The following PTPRK variants were observed in gnomAD, a reference collection of about 807,000 sequenced individuals.
PTPRK encodes the protein protein tyrosine phosphatase receptor type K.
A neutral mutation model predicts 178.0 loss-of-function variants in PTPRK; 75 were observed. The ratio of observed to expected loss-of-function variants is 0.42; its 90% CI spans 0.35 to 0.51. The LOEUF (loss-of-function observed/expected upper bound fraction) is 0.51, where lower values mean the gene tolerates loss of function less well. Ranked by LOEUF, PTPRK falls within the 20% of genes least tolerant of loss-of-function variation. The pLI is 0.02. For missense variants in PTPRK, 1,441 were observed against 1,797.8 expected (o/e 0.80, Z 3.59); for synonymous variants, 637 against 620.6 (o/e 1.03, Z -0.39).
At chr6:128,127,264 T>C (rs1450637636) in intron 7 of PTPRK, among the ~76,000 whole-genome samples, 1 of 152,224 alleles carries the variant, frequency 6.6e-6, no homozygotes, top group Non-Finnish European at 1.5e-5. Context: ...CGACTATGTT[T>C]GCTATTATAG....
chr6:128,343,955 CT>C (rs1832041431), intron 2 of PTPRK, among the ~76,000 whole-genome samples: 1 of 152,194 alleles, frequency 6.6e-6, no homozygotes, highest in African/African-American at 2.4e-5. Flanking sequence ...GGCATCAGAA[CT>C]TATAAGTTAA....
At chr6:128,056,657 C>T (rs565504698) in intron 13 of PTPRK, among the ~76,000 whole-genome samples, 2 of 152,078 alleles carry the variant, frequency 1.3e-5, no homozygotes, top group Non-Finnish European at 2.9e-5. Flanking sequence ...AAGTCCTGAC[C>T]TTGTGATACA....
At chr6:128,281,529 TTC>T (rs1173296418) in intron 3 of PTPRK, among the ~76,000 whole-genome samples, 6 of 152,274 alleles carry the variant, frequency 3.9e-5, no homozygotes, top group African/African-American at 1.2e-4. Context: ...TATCACCCTA[TTC>T]TCTGTCTTAG....
chr6:128,445,231 A>T (rs1451492439), intron 1 of PTPRK, among the ~76,000 whole-genome samples: 2 of 146,814 alleles, frequency 1.4e-5, no homozygotes, highest in East Asian at 3.9e-4. Flanking sequence ...ATTTATATAT[A>T]ATAGTATAAA....
chr6:128,456,581 T>C (rs1213343218), intron 1 of PTPRK, among the ~76,000 whole-genome samples: 1 of 152,054 alleles, frequency 6.6e-6, no homozygotes. Context: ...GTATGGAAGA[T>C]AAGATAACTA....
intron 1 of PTPRK, among the ~76,000 whole-genome samples, chr6:128,444,282 T>C (rs1428255040): frequency 1.3e-5 from 2 of 152,278 alleles, no homozygotes; most frequent in East Asian, 3.9e-4. Context: ...CAACCTATTA[T>C]ACATCTGATC....
At chr6:128,025,768 T>C (rs930754315) in intron 13 of PTPRK, among the ~76,000 whole-genome samples, 1 of 152,178 alleles carries the variant, frequency 6.6e-6, no homozygotes, top group Non-Finnish European at 1.5e-5. Context: ...TGGGGTTACA[T>C]GACTCCAGTC....
At position 128,067,800 on chromosome 6, in the gene PTPRK, G is replaced by A. The variant is rs765055165; in HGVS notation, c.1884-8C>T. 14 of 1,558,184 alleles carry A rather than the reference G, an allele frequency of 9.0e-6. No individual in the cohort carries two copies. Among genetic ancestry groups the A allele is most frequent in the Admixed American group, 7.9e-5 (4 of 50,786 alleles). ...ACAACAATCTGATAAGCACTTTGGG[G>A]AAAAGAAAAAAAGAACACACATATA... On this transcript the variant is annotated splice_polypyrimidine_tract_variant and splice_region_variant and intron_variant, in intron 11 of 29. Coordinates refer to ENST00000368226, the MANE Select transcript of PTPRK (RefSeq NM_002844.4).
chr6:128,005,148 G>A lies in PTPRK; in HGVS notation c.2430C>T (p.Ser810=). 6.2e-7 allele frequency: 1 copy of A among 1,611,590 alleles called. No individual in the cohort carries two copies. Among genetic ancestry groups the A allele is most frequent in the Non-Finnish European group, 8.5e-7 (1 of 1,178,502 alleles). The change falls in exon 15 of 30, where the codon AGC becomes AGT. Residue 810 remains serine (S), a synonymous_variant. Transcript: ENST00000368226. ...NAMDRSYADQ[S]TLHAEDPLSI... is the part of the protein sequence containing the mutation. ...AAAGAGGATCTTCTGCATGCAGAGT[G>A]CTCTGATCAGCATAACTTCGATCCA...
intron 1 of PTPRK, among the ~76,000 whole-genome samples, chr6:128,400,035 AT>A (rs1387278347): frequency 6.6e-6 from 1 of 152,202 alleles, no homozygotes; most frequent in East Asian, 1.9e-4. Context: ...TTTGTAAAGA[AT>A]TTTGTATTTC....
intron 1 of PTPRK, among the ~76,000 whole-genome samples, chr6:128,502,382 C>T (rs1211750889): frequency 6.6e-6 from 1 of 152,220 alleles, no homozygotes. Flanking sequence ...AGCCTTCTGA[C>T]ATCAACATTT....
intron 3 of PTPRK, among the ~76,000 whole-genome samples, chr6:128,279,045 T>G (rs1243801463): frequency 6.6e-6 from 1 of 152,082 alleles, no homozygotes; most frequent in Non-Finnish European, 1.5e-5. Context: ...GTTCACAAAG[T>G]GCTGTGTGTT....
chr6:128,267,000 C>T (rs1295756447), intron 3 of PTPRK, among the ~76,000 whole-genome samples: 2 of 152,006 alleles, frequency 1.3e-5, no homozygotes, highest in African/African-American at 4.8e-5. Flanking sequence ...TGATATTGAA[C>T]ATTGTTATTA....
chr6:128,460,583 A>C (rs2128411775), intron 1 of PTPRK, among the ~76,000 whole-genome samples: 1 of 152,284 alleles, frequency 6.6e-6, no homozygotes, highest in Middle Eastern at 3.4e-3. Flanking sequence ...TTCCAAAAGA[A>C]GTAATCATTA....
intron 5 of PTPRK, among the ~76,000 whole-genome samples, chr6:128,236,675 C>T (rs771836601): frequency 3.9e-5 from 6 of 151,946 alleles, no homozygotes; most frequent in East Asian, 1.9e-4. Context: ...ATAAATGTAC[C>T]GCATAACATA....
chr6:128,332,367 C>T (rs565197926), intron 2 of PTPRK, among the ~76,000 whole-genome samples: 15 of 152,334 alleles, frequency 9.8e-5, no homozygotes, highest in African/African-American at 3.4e-4. Context: ...ACTTCCTACA[C>T]ATCTATTTAC....
intron 1 of PTPRK, among the ~76,000 whole-genome samples, chr6:128,408,997 T>C (rs1841996359): frequency 6.6e-6 from 1 of 152,146 alleles, no homozygotes; most frequent in Non-Finnish European, 1.5e-5. Context: ...AAGATCCAAA[T>C]ATGTTACAGA....
At chr6:128,382,800 T>C (rs1246589330) in intron 2 of PTPRK, among the ~76,000 whole-genome samples, 1 of 152,132 alleles carries the variant, frequency 6.6e-6, no homozygotes, top group African/African-American at 2.4e-5. Context: ...ACTCTAATGA[T>C]TTCTTGGGAC....
At chr6:128,143,916 T>G (rs1796118749) in intron 7 of PTPRK, among the ~76,000 whole-genome samples, 1 of 152,216 alleles carries the variant, frequency 6.6e-6, no homozygotes, top group Non-Finnish European at 1.5e-5. Flanking sequence ...CTATAATGAC[T>G]AGTTCACATT....
Sources: allele counts gnomAD v4.1 joint callset (sites outside exome capture counted in the v4.1 genomes callset), GRCh38; gene constraint gnomAD v4.1.1; transcripts MANE v1.5; gene names NCBI Gene and HGNC (gene_info 2026-07-23, HGNC 2026-07-21).